The following SHISA7 variants were observed in gnomAD, a reference collection of about 807,000 sequenced individuals.
SHISA7 encodes shisa family member 7.
In SHISA7, 6 loss-of-function variants were observed where a neutral mutation model predicts 23.9. The ratio of observed to expected loss-of-function variants is 0.25; its 90% CI spans 0.14 to 0.50. SHISA7 has a LOEUF of 0.50. SHISA7 is among the 20% of genes least tolerant of loss of function. The pLI, the probability that SHISA7 is intolerant of heterozygous loss-of-function variation, is 0.98. For synonymous variants in SHISA7, 386 were observed against 398.3 expected (o/e 0.97, Z 0.37); for missense variants, 671 against 801.1 (o/e 0.84, Z 1.96).
Position 55,433,402 on chromosome 19 carries a change from C to G in SHISA7, c.1371G>C (p.Gly457=). ...LAASHSNLLL[G]PGGPPTPLRG... Reference sequence around the variant, plus strand: ...GCAGCGGTGTTGGGGGCCCCCCGGGCCCCAGCAGCAGGTTGGAGTGCGAGG... The same window carrying G: ...GCAGCGGTGTTGGGGGCCCCCCGGGGCCCAGCAGCAGGTTGGAGTGCGAGG... Residue 457 remains glycine (G), a synonymous_variant, in exon 4 of 4, where the codon GGG becomes GGC. Transcript: ENST00000376325. The surrounding 1 kb of genome is among the most constrained non-coding windows in gnomAD (Gnocchi z 8.4). The G allele has an allele frequency of 7.5e-7, 1 of 1,325,934 alleles. No homozygotes were observed. Among genetic ancestry groups the G allele is most frequent in the Non-Finnish European group, 9.6e-7 (1 of 1,046,482 alleles). The allele number at this position is 1,325,934 out of a possible 1,614,324, so 82.1% of individuals were successfully genotyped here.
chr19:55,434,007 CG>C (rs199505252), intron 3 of SHISA7, among the ~76,000 whole-genome samples: 9 of 151,892 alleles, frequency 5.9e-5, no homozygotes, highest in Middle Eastern at 3.4e-3. Context: ...TCTTCCCCCC[CG>C]CGCCGCCTAT....
Position 55,433,007 on chromosome 19 carries a change from T to A in SHISA7, c.*149A>T. ...TGAAGTAATAGGAGGAGGAATCTTG[T>A]CTGCCAGGACATCCCAGAAGGAGGC... On this transcript the variant is annotated 3_prime_UTR_variant, in exon 4 of 4. Transcript: ENST00000376325. This position sits in a 1 kb window ranked among gnomAD's most constrained non-coding sequence, Gnocchi z 8.4. 3.1e-6 allele frequency: 3 copies of A among 967,140 alleles called. No homozygotes were observed. Among genetic ancestry groups the A allele is most frequent in the Non-Finnish European group, 4.3e-6 (3 of 698,862 alleles). The allele number at this position is 967,140 out of a possible 1,614,324, so 59.9% of individuals were successfully genotyped here.
At chr19:55,434,324 G>GT (rs1985303263) in intron 3 of SHISA7, among the ~76,000 whole-genome samples, 1 of 127,272 alleles carries the variant, frequency 7.9e-6, no homozygotes. Context: ...GTGTGTGTGT[G>GT]GTGTGTGGTG....
At position 55,433,722 on chromosome 19, in the gene SHISA7, C is replaced by T; in HGVS notation, c.1051G>A (p.Ala351Thr). The T allele has an allele frequency of 1.4e-6, 2 of 1,473,374 alleles. No homozygotes were observed. The highest frequency in any genetic ancestry group is 1.8e-6 in the Non-Finnish European group (2 of 1,120,300). 91.3% of individuals were successfully genotyped at this position (1,473,374 alleles called of 1,614,324 possible). The change falls in exon 4 of 4, where the codon GCG (alanine) becomes ACG (threonine). Residue 351 changes from alanine (A) to threonine (T), a missense_variant. Coordinates refer to ENST00000376325, the MANE Select transcript of SHISA7 (RefSeq NM_001145176.2). This position sits in a 1 kb window ranked among gnomAD's most constrained non-coding sequence, Gnocchi z 8.4. ...CCCCCCGTGCCCGGCCGCCGCAGCGCGTGCAGGGGCAGCGTGCCGCGGGGC... is the reference window on the plus strand; with the variant it reads ...CCCCCCGTGCCCGGCCGCCGCAGCGTGTGCAGGGGCAGCGTGCCGCGGGGC... Reference protein sequence around the residue: ...ELPRGTLPLHALRRPGTGGGY... With the variant: ...ELPRGTLPLHTLRRPGTGGGY...
Position 55,430,924 on chromosome 19 carries a change from G to A in SHISA7, c.*2232C>T, listed in dbSNP as rs776638289. 12 of 150,982 alleles carry A rather than the reference G, an allele frequency of 7.9e-5. No homozygotes were observed. Among genetic ancestry groups the A allele is most frequent in the Non-Finnish European group, 1.6e-4 (11 of 67,924 alleles). The allele number at this position is 150,982 out of a possible 1,614,324, so 9.4% of individuals were successfully genotyped here. A position where few individuals can be genotyped will look rare whatever the true frequency, so the allele number is the denominator to read the frequency against. ...GGGTTATGGTGGATCCTAGTGGATG[G>A]TGACAGCACTGGACCTCATGGATCA... On this transcript the variant is annotated 3_prime_UTR_variant, in exon 4 of 4. Transcript: ENST00000376325.
At chr19:55,441,336 A>T (rs1245529493) in intron 1 of SHISA7, among the ~76,000 whole-genome samples, 1 of 152,124 alleles carries the variant, frequency 6.6e-6, no homozygotes, top group Non-Finnish European at 1.5e-5. Flanking sequence ...GCATAATTTA[A>T]AAAATGGACA....
At chr19:55,434,459 T>A (rs1985319716) in intron 3 of SHISA7, among the ~76,000 whole-genome samples, 1 of 105,946 alleles carries the variant, frequency 9.4e-6, no homozygotes. Context: ...GGTGTGTGGT[T>A]GTGTGGTGTG....
chr19:55,442,643 C>G lies in SHISA7; in HGVS notation c.221G>C (p.Arg74Pro). Reference protein sequence around the residue: ...GPAGGAGAAARAPPPAELCHG... With the variant: ...GPAGGAGAAAPAPPPAELCHG... The stretch of plus-strand genomic sequence containing the variant: ...GCAGAGCTCGGCGGGAGGGGGCGCC[C>G]GGGCCGCCGCGCCCGCCCCGCCCGC... Residue 74 changes from arginine (R) to proline (P), a missense_variant, in exon 1 of 4, where the codon CGG becomes CCG. By Grantham distance (103) the Arg-to-Pro change is moderately radical. Coordinates refer to ENST00000376325, the MANE Select transcript of SHISA7 (RefSeq NM_001145176.2). 1 of 1,339,150 alleles carries G rather than the reference C, an allele frequency of 7.5e-7. No individual in the cohort carries two copies. Among genetic ancestry groups the G allele is most frequent in the South Asian group, 1.5e-5 (1 of 65,560 alleles). The allele number at this position is 1,339,150 out of a possible 1,614,324, so 83.0% of individuals were successfully genotyped here.
Position 55,433,764 on chromosome 19 carries a change from G to A in SHISA7, c.1009C>T (p.Arg337Cys), listed in dbSNP as rs1599871011. 4 of 1,447,388 alleles carry A rather than the reference G, an allele frequency of 2.8e-6. No homozygotes were observed. The East Asian group carries it at 1.2e-4, about 43-fold the overall frequency. The allele number at this position is 1,447,388 out of a possible 1,614,324, so 89.7% of individuals were successfully genotyped here. The change falls in exon 4 of 4, where the codon CGC becomes TGC. Residue 337 changes from arginine to cysteine, a missense_variant. Physicochemically the swap from Arg to Cys is radical, Grantham distance 180 (BLOSUM62 -3). This residue lies in a region of SHISA7 where 457 missense variants were observed against 488.3 expected (regional missense o/e 0.94). Coordinates refer to ENST00000376325, the MANE Select transcript of SHISA7 (RefSeq NM_001145176.2). This position sits in a 1 kb window ranked among gnomAD's most constrained non-coding sequence, Gnocchi z 8.4. ...EKDLDEAYLK[R>C]RPLELPRGTL... is the part of the protein sequence containing the mutation. Reference sequence around the variant, plus strand: ...CCGCGGGGCAATTCCAGGGGCCGGCGCTTCAGGTAGGCCTCGTCCAGATCC... The same window carrying A: ...CCGCGGGGCAATTCCAGGGGCCGGCACTTCAGGTAGGCCTCGTCCAGATCC...
At chr19:55,435,296 G>A (rs1985421245) in intron 3 of SHISA7, among the ~76,000 whole-genome samples, 1 of 129,692 alleles carries the variant, frequency 7.7e-6, no homozygotes, top group Non-Finnish European at 1.6e-5. Flanking sequence ...TATATGTGGT[G>A]TGTGTGTATA....
intron 3 of SHISA7, among the ~76,000 whole-genome samples, chr19:55,435,781 G>A (rs1031274202): frequency 1.9e-4 from 27 of 144,814 alleles, no homozygotes; most frequent in Admixed American, 1.6e-3. Context: ...AAAAAAAAAA[G>A]GATCCACCAA....
rs1985282596 is a variant in SHISA7, at chr19:55,433,913, G to T, written c.977-117C>A. The T allele has an allele frequency of 1.6e-6, 2 of 1,214,460 alleles. No homozygotes were observed. Among genetic ancestry groups the T allele is most frequent in the African/African-American group, 1.6e-5 (1 of 62,598 alleles). The allele number at this position is 1,214,460 out of a possible 1,614,324, so 75.2% of individuals were successfully genotyped here. On this transcript the variant is annotated intron_variant, in intron 3 of 3. Coordinates refer to ENST00000376325, the MANE Select transcript of SHISA7 (RefSeq NM_001145176.2). This position sits in a 1 kb window ranked among gnomAD's most constrained non-coding sequence, Gnocchi z 8.4. ...CCTTGTGCCCCCACAAGGATCCTGG[G>T]CATCAGGCTAGCTGTGAGGCCAAAA...
intron 2 of SHISA7, among the ~76,000 whole-genome samples, chr19:55,439,547 C>T (rs1985546461): frequency 6.6e-6 from 1 of 152,216 alleles, no homozygotes; most frequent in Non-Finnish European, 1.5e-5. Context: ...TTCCTCAGCC[C>T]AGCCTGGCGC....
At chr19:55,434,323 TG>T (rs1462626264) in intron 3 of SHISA7, among the ~76,000 whole-genome samples, 15 of 106,482 alleles carry the variant, frequency 1.4e-4, no homozygotes, top group Middle Eastern at 6.5e-3. Context: ...TGTGTGTGTG[TG>T]GTGTGTGGTG....
At chr19:55,435,537 G>A (rs1985438032) in intron 3 of SHISA7, among the ~76,000 whole-genome samples, 1 of 138,166 alleles carries the variant, frequency 7.2e-6, no homozygotes, top group Non-Finnish European at 1.5e-5. Flanking sequence ...AGGGTCCCTT[G>A]AGCCCAGGAG....
At chr19:55,434,437 TG>T (rs1282509866) in intron 3 of SHISA7, among the ~76,000 whole-genome samples, 1 of 114,714 alleles carries the variant, frequency 8.7e-6, no homozygotes, top group African/African-American at 3.9e-5. Context: ...GTGTGTGTGG[TG>T]TGTGTGTGTG....
chr19:55,436,525 C>T (rs978636046), intron 3 of SHISA7, among the ~76,000 whole-genome samples: 32 of 151,636 alleles, frequency 2.1e-4, no homozygotes, highest in African/African-American at 7.0e-4. Flanking sequence ...ATCACTTGAA[C>T]TCGGCAGGCG....
At chr19:55,440,561 A>G in intron 2 of SHISA7, 50 bp downstream of exon 2, 3 of 1,247,942 alleles carry the variant, frequency 2.4e-6, no homozygotes, top group African/African-American at 1.5e-5. Flanking sequence ...TACATGATGA[A>G]GGGGCGTGGC....
In SHISA7 at chr19:55,442,245, A is replaced by G. The variant is rs1304947979; in HGVS notation, c.619T>C (p.Phe207Leu). The G allele has an allele frequency of 6.5e-7, 1 of 1,534,188 alleles. No homozygotes were observed. The highest frequency in any genetic ancestry group is 8.7e-7 in the Non-Finnish European group (1 of 1,146,032). The change falls in exon 1 of 4, where the codon TTC (phenylalanine) becomes CTC (leucine). Residue 207 changes from phenylalanine (F) to leucine (L), a missense_variant. Transcript: ENST00000376325. ...LAVGVGAKVA[F>L]SKASRAPRAH... ...CGGGGCGCACGGGACGCCTTGCTGA[A>G]GGCCACTTTGGCGCCGACGCCCACG...
Sources: gnomAD v4.1 joint callset for allele counts (sites outside exome capture counted in the v4.1 genomes callset) on GRCh38, gnomAD v4.1.1 for gene constraint, gnomAD v4.1.1 regional missense constraint, Gnocchi (gnomAD v3.1) non-coding constraint, MANE v1.5 for transcripts, NCBI Gene and HGNC (gene_info 2026-07-23, HGNC 2026-07-21) for gene names.